The following ZZEF1 variants were observed in gnomAD, a reference collection of about 807,000 sequenced individuals.
ZZEF1 encodes zinc finger ZZ-type and EF-hand domain-containing protein 1.
In ZZEF1, 157 loss-of-function variants were observed where a neutral mutation model predicts 342.8. The ratio of observed to expected loss-of-function variants is 0.46; its 90% CI spans 0.40 to 0.52. The LOEUF (loss-of-function observed/expected upper bound fraction) is 0.52, where lower values mean the gene tolerates loss of function less well. Ranked by LOEUF, ZZEF1 falls within the 20% of genes least tolerant of loss-of-function variation. The probability of loss-of-function intolerance (pLI) is 0.00; values close to 1 mark genes in which losing one functional copy is unlikely to be tolerated. For synonymous variants in ZZEF1, 1,505 were observed against 1,429.1 expected, an observed-to-expected ratio of 1.05 and a Z score of -1.20; for missense variants, 3,480 against 3,725.6, an observed-to-expected ratio of 0.93 and a Z score of 1.72.
chr17:4,060,540 CTCT>C (rs1193909523), intron 30 of ZZEF1, among the ~76,000 whole-genome samples: 2 of 136,294 alleles, frequency 1.5e-5, no homozygotes, highest in Non-Finnish European at 3.1e-5. Context: ...CACAGCGAAA[CTCT>C]TGTCTCAAGA....
At chr17:4,035,763 G>A (rs146519416) in intron 39 of ZZEF1, among the ~76,000 whole-genome samples, 17 of 152,270 alleles carry the variant, frequency 1.1e-4, no homozygotes, top group East Asian at 1.9e-4. Context: ...GGTGAGGGTC[G>A]TCTCACTGCA....
chr17:4,085,093 C>G (rs2057794808), intron 16 of ZZEF1, among the ~76,000 whole-genome samples: 1 of 152,048 alleles, frequency 6.6e-6, no homozygotes, highest in African/African-American at 2.4e-5. Flanking sequence ...GCCTGGGCAA[C>G]AGAACAAGAA....
At chr17:4,094,295 C>A (rs1037770940) in intron 11 of ZZEF1, among the ~76,000 whole-genome samples, 2 of 152,032 alleles carry the variant, frequency 1.3e-5, no homozygotes, top group African/African-American at 2.4e-5. Flanking sequence ...GCGCGTGATA[C>A]CATGGCCAGC....
At position 4,043,855 on chromosome 17, in the gene ZZEF1, ACCT is replaced by A. The variant is rs1442282900; in HGVS notation, c.6166+366_6166+368del. On this transcript the variant is annotated intron_variant, in intron 38 of 54. Transcript: ENST00000381638. ...CCAATCACTGTCAACACCCACTTAC[ACCT>A]CATTCCGCCTCAAATTACAGTTACC... 2.0e-5 allele frequency among the ~76,000 whole-genome samples: 3 copies of A among 151,906 alleles called. No individual in the cohort carries two copies. The East Asian group carries it at 5.8e-4, about 29-fold the overall frequency.
intron 1 of ZZEF1, among the ~76,000 whole-genome samples, chr17:4,140,876 A>T (rs78771542): frequency 7.1e-6 from 1 of 140,092 alleles, no homozygotes; most frequent in Admixed American, 7.0e-5. Flanking sequence ...TCCTGGGGGG[A>T]AAAAAAAAGG....
intron 39 of ZZEF1, among the ~76,000 whole-genome samples, chr17:4,036,707 G>A (rs1270627296): frequency 6.7e-6 from 1 of 149,428 alleles, no homozygotes; most frequent in South Asian, 2.1e-4. Flanking sequence ...CACCAGCCTG[G>A]GCGACAAGAG....
chr17:4,023,052 T>TACAA (rs2056310383), intron 43 of ZZEF1, among the ~76,000 whole-genome samples: 1 of 152,178 alleles, frequency 6.6e-6, no homozygotes, highest in African/African-American at 2.4e-5. Context: ...GACAAAGACC[T>TACAA]ACAAGGTCCC....
chr17:4,009,747 C>A lies in ZZEF1; in HGVS notation c.8590G>T (p.Asp2864Tyr). 1 of 1,614,036 alleles carries A rather than the reference C, an allele frequency of 6.2e-7. No individual in the cohort carries two copies. The highest frequency in any genetic ancestry group is 1.1e-5 in the South Asian group (1 of 91,064). Reference protein sequence around the residue: ...VRCCGHSDLCDLALLKPLWQL... With the variant: ...VRCCGHSDLCYLALLKPLWQL... ...CACAGGGGCTTCAACAGCGCAAGGT[C>A]ACACAGGTCACTGCAGGAGGAGCCC... The change falls in exon 53 of 55, where the codon GAC (aspartate) becomes TAC (tyrosine). Residue 2864 changes from aspartate (D) to tyrosine (Y), a missense_variant. Transcript: ENST00000381638.
At chr17:4,097,032 C>A (rs1018571354) in intron 9 of ZZEF1, among the ~76,000 whole-genome samples, 1 of 151,820 alleles carries the variant, frequency 6.6e-6, no homozygotes, top group Non-Finnish European at 1.5e-5. Flanking sequence ...GAGGCCGAGG[C>A]GGGTGGATCA....
At chr17:4,024,290 C>T (rs1384283593) in intron 43 of ZZEF1, among the ~76,000 whole-genome samples, 6 of 149,224 alleles carry the variant, frequency 4.0e-5, no homozygotes, top group South Asian at 4.2e-4. Context: ...CTCTGCCTCC[C>T]GGGTTCAAGT....
At chr17:4,049,564 C>G (rs369935736) in intron 37 of ZZEF1, 144 bp downstream of exon 37, 1 of 914,036 alleles carries the variant, frequency 1.1e-6, no homozygotes, top group Admixed American at 2.6e-5. Context: ...AACAACATGC[C>G]CAAGGTTTGA....
intron 45 of ZZEF1, among the ~76,000 whole-genome samples, chr17:4,020,179 G>C (rs1047340754): frequency 1.3e-5 from 2 of 152,148 alleles, no homozygotes; most frequent in Non-Finnish European, 2.9e-5. Context: ...GCCCAGGCTG[G>C]AGTGCAGTGG....
chr17:4,013,943 G>C (rs1010740349), intron 51 of ZZEF1, 147 bp downstream of exon 51: 1 of 745,238 alleles, frequency 1.3e-6, no homozygotes, highest in Non-Finnish European at 2.2e-6. Context: ...AGGAGTGACA[G>C]GTGTGGGGCT....
chr17:4,009,751 C>T lies in ZZEF1; in HGVS notation c.8586G>A (p.Leu2862=), dbSNP rs142365768. 4 of 1,613,834 alleles carry T rather than the reference C, an allele frequency of 2.5e-6. No individual in the cohort carries two copies. In the African/African-American group the frequency reaches 5.3e-5, roughly 22 times the overall value. ...GGGGCTTCAACAGCGCAAGGTCACA[C>T]AGGTCACTGCAGGAGGAGCCCCGGA... The part of the protein sequence containing the change: ...RIVRCCGHSD[L]CDLALLKPLW... Residue 2862 remains leucine (L), a synonymous_variant, in exon 53 of 55, where the codon CTG becomes CTA. Coordinates refer to ENST00000381638, the MANE Select transcript of ZZEF1 (RefSeq NM_015113.4).
At position 4,027,286 on chromosome 17, in the gene ZZEF1, C is replaced by T. The variant is rs1248778513; in HGVS notation, c.6893-2168G>A. On this transcript the variant is annotated intron_variant, in intron 42 of 54. Transcript: ENST00000381638. ...GACCTACGCACCCAGCAATATCTCA[C>T]TTTTTTTTTTTTTTTTTTTTTTTTT... Among the ~76,000 whole-genome samples, 51 of 67,958 alleles carry T rather than the reference C, an allele frequency of 7.5e-4. 1 individual carries two copies. Among genetic ancestry groups the T allele is most frequent in the African/African-American group, 2.5e-3 (37 of 14,908 alleles). The allele number at this position is 67,958 out of a possible 152,430, so 44.6% of individuals were successfully genotyped here. A position where few individuals can be genotyped will look rare whatever the true frequency, so the allele number is the denominator to read the frequency against.
At chr17:4,064,336 G>A (rs760496543) in intron 29 of ZZEF1, 25 bp downstream of exon 29, 16 of 1,537,326 alleles carry the variant, frequency 1.0e-5, no homozygotes, top group East Asian at 2.3e-5. Flanking sequence ...AAGAGAAAGC[G>A]ACAGGAAGGT....
Position 4,014,262 on chromosome 17 carries a change from A to C in ZZEF1, c.8315-74T>G. The C allele has an allele frequency of 6.2e-7, 1 of 1,611,092 alleles. No homozygotes were observed. Among genetic ancestry groups the C allele is most frequent in the Non-Finnish European group, 8.5e-7 (1 of 1,177,328 alleles). Reference sequence around the variant, plus strand: ...ATGGCAGCAGTGGTGTTGGGTTTCAACATTCTCCAGTAAGTTCCCTTCTCA... The same window carrying C: ...ATGGCAGCAGTGGTGTTGGGTTTCACCATTCTCCAGTAAGTTCCCTTCTCA... On this transcript the variant is annotated intron_variant, in intron 50 of 54. Transcript: ENST00000381638. The surrounding 1 kb of genome is among the most constrained non-coding windows in gnomAD (Gnocchi z 4.4).
At chr17:4,033,896 C>T (rs2056603544) in intron 40 of ZZEF1, 119 bp downstream of exon 40, 1 of 1,356,766 alleles carries the variant, frequency 7.4e-7, no homozygotes, top group Non-Finnish European at 1.0e-6. Context: ...CCACAAAACT[C>T]TCAGACAACA....
chr17:4,142,736 C>T lies in ZZEF1; in HGVS notation c.160G>A (p.Ala54Thr). The change falls in exon 1 of 55, where the codon GCC (alanine) becomes ACC (threonine). Residue 54 changes from alanine (A) to threonine (T), a missense_variant. By Grantham distance (58) the Ala-to-Thr change is moderately conservative (BLOSUM62 0). Coordinates refer to ENST00000381638, the MANE Select transcript of ZZEF1 (RefSeq NM_015113.4). ...GCTGCAGCAGCCTCTCGCAGCCTGG[C>T]CGGCTCCAGCAGCGCCGCGGCGGGT... is the stretch of plus-strand genomic sequence containing the variant. ...LPPAAALLEP[A>T]RLREAAAALL... is the part of the protein sequence containing the mutation. The T allele has an allele frequency of 1.3e-6, 2 of 1,530,162 alleles. No individual in the cohort carries two copies. The highest frequency in any genetic ancestry group is 2.6e-5 in the East Asian group (1 of 38,028). The allele number at this position is 1,530,162 out of a possible 1,614,324, so 94.8% of individuals were successfully genotyped here.
Sources: allele counts gnomAD v4.1 joint callset (sites outside exome capture counted in the v4.1 genomes callset), GRCh38; gene constraint gnomAD v4.1.1; non-coding constraint Gnocchi (gnomAD v3.1); transcripts MANE v1.5; gene names NCBI Gene and HGNC (gene_info 2026-07-23, HGNC 2026-07-21).